The following ZFR2 variants were observed in gnomAD, a reference collection of about 807,000 sequenced individuals.
The protein encoded by ZFR2 is zinc finger RNA-binding protein 2.
Under a neutral mutation model 105.7 loss-of-function variants are expected in ZFR2, and 104 were observed. The observed-to-expected ratio is 0.98, with a 90% CI of 0.84 to 1.16. ZFR2 has a LOEUF of 1.16. Among genes scored for constraint, ZFR2 ranks in the 50% most tolerant of loss-of-function variants. The probability of loss-of-function intolerance (pLI) is 0.00; values close to 1 mark genes in which losing one functional copy is unlikely to be tolerated. For missense variants in ZFR2, 1,425 were observed against 1,355.5 expected (o/e 1.05, Z -0.80); for synonymous variants, 634 against 597.7 (o/e 1.06, Z -0.89).
intron 1 of ZFR2, among the ~76,000 whole-genome samples, chr19:3,842,387 A>C (rs2038141557): frequency 6.6e-6 from 1 of 152,130 alleles, no homozygotes; most frequent in South Asian, 2.1e-4. Context: ...AATGTTAGAC[A>C]GCATGCAATT....
Position 3,807,223 on chromosome 19 carries a change from G to A in ZFR2, c.2592C>T (p.Ala864=), listed in dbSNP as rs1191853091. 1 of 1,561,570 alleles carries A rather than the reference G, an allele frequency of 6.4e-7. No homozygotes were observed. Among genetic ancestry groups the A allele is most frequent in the Middle Eastern group, 1.7e-4 (1 of 6,006 alleles). Residue 864 remains alanine, a synonymous_variant, in exon 18 of 19, where the codon GCC becomes GCT. Transcript: ENST00000262961. ...QDPCERDQTD[A]LEPMTLQERE... is the part of the protein sequence containing the mutation. ...GCTCTTGGAGGGTCATGGGCTCGAG[G>A]GCATCTGTCTGGTCTCTCTCGCAGG... is the stretch of plus-strand genomic sequence containing the variant.
At chr19:3,853,660 G>A (rs1207110703) in intron 1 of ZFR2, among the ~76,000 whole-genome samples, 1 of 149,178 alleles carries the variant, frequency 6.7e-6, no homozygotes, top group Non-Finnish European at 1.5e-5. Context: ...GGATTTGTGG[G>A]TGCCAGGCCC....
intron 13 of ZFR2, among the ~76,000 whole-genome samples, chr19:3,814,873 T>G (rs1397588210): frequency 6.6e-6 from 1 of 152,054 alleles, no homozygotes; most frequent in Non-Finnish European, 1.5e-5. Flanking sequence ...CCTCATTCCC[T>G]CGTGCCCACC....
intron 1 of ZFR2, among the ~76,000 whole-genome samples, chr19:3,854,631 G>A (rs572312124): frequency 4.6e-5 from 7 of 152,340 alleles, no homozygotes; most frequent in African/African-American, 1.4e-4. Flanking sequence ...GATGGTTAGG[G>A]CAGGGGTCTT....
Position 3,834,309 on chromosome 19 carries a change from T to C in ZFR2, c.264+464A>G, listed in dbSNP as rs538799306. 6.6e-6 allele frequency among the ~76,000 whole-genome samples: 1 copy of C among 151,122 alleles called. No individual in the cohort carries two copies. The highest frequency in any genetic ancestry group is 2.4e-5 in the African/African-American group (1 of 41,426). ...AGCCTGAGTGCCTCGGTTGGGAAGG[T>C]GAGGTCGTCAGCACCCAGGTGCACC... is the stretch of plus-strand genomic sequence containing the variant. On this transcript the variant is annotated intron_variant, in intron 2 of 18. Transcript: ENST00000262961. This position sits in a 1 kb window ranked among gnomAD's most constrained non-coding sequence, Gnocchi z 5.3.
At chr19:3,833,889 G>T in intron 2 of ZFR2, 111 bp from the exon 3 acceptor site, 1 of 842,222 alleles carries the variant, frequency 1.2e-6, no homozygotes, top group Non-Finnish European at 1.8e-6. Context: ...TTCCTGCAGC[G>T]CTGGCTCCTA....
At position 3,821,345 on chromosome 19, in the gene ZFR2, C is replaced by A; in HGVS notation, c.1626G>T (p.Glu542Asp). ...RLEQLRRWHA[E>D]RRRLEEEPPQ... ...CAAGACCCGCAGCCGGGCACCTCCTCTCCGCGTGCCAGCGCCGCAGCTGCT... is the reference window on the plus strand; with the variant it reads ...CAAGACCCGCAGCCGGGCACCTCCTATCCGCGTGCCAGCGCCGCAGCTGCT... The change falls in exon 10 of 19, where the codon GAG becomes GAT. Residue 542 changes from glutamate to aspartate, a missense_variant. Coordinates refer to ENST00000262961, the MANE Select transcript of ZFR2 (RefSeq NM_015174.2). The A allele has an allele frequency of 1.3e-6, 2 of 1,594,116 alleles. No individual in the cohort carries two copies. The highest frequency in any genetic ancestry group is 8.5e-7 in the Non-Finnish European group (1 of 1,172,688).
chr19:3,847,477 T>C (rs2038195292), intron 1 of ZFR2, among the ~76,000 whole-genome samples: 1 of 152,060 alleles, frequency 6.6e-6, no homozygotes, highest in Non-Finnish European at 1.5e-5. Flanking sequence ...TGAGCTGAGA[T>C]TGCACTACTG....
chr19:3,860,347 T>C (rs1405430655), intron 1 of ZFR2, among the ~76,000 whole-genome samples: 2 of 151,696 alleles, frequency 1.3e-5, no homozygotes, highest in Non-Finnish European at 2.9e-5. Flanking sequence ...CCCGAAAGGA[T>C]TTTATCACCC....
At chr19:3,811,219 C>A in intron 15 of ZFR2, 53 bp downstream of exon 15, 1 of 1,478,118 alleles carries the variant, frequency 6.8e-7, no homozygotes, top group South Asian at 1.3e-5. Context: ...TGCCTCTGAG[C>A]TACGTTCCTC....
At position 3,805,874 on chromosome 19, in the gene ZFR2, A is replaced by C; in HGVS notation, c.*75T>G. ...GACCATTGTCCAACGTCGGGGATGA[A>C]GCAGCCATTGGTCGGCGCGCACACG... is the stretch of plus-strand genomic sequence containing the variant. On this transcript the variant is annotated 3_prime_UTR_variant, in exon 19 of 19. Transcript: ENST00000262961. The C allele has an allele frequency of 7.1e-7, 1 of 1,400,330 alleles. No individual in the cohort carries two copies. Among genetic ancestry groups the C allele is most frequent in the East Asian group, 2.8e-5 (1 of 35,544 alleles). 86.7% of individuals were successfully genotyped at this position (1,400,330 alleles called of 1,614,324 possible).
At chr19:3,824,852 G>A (rs945875474) in intron 7 of ZFR2, among the ~76,000 whole-genome samples, 2 of 152,124 alleles carry the variant, frequency 1.3e-5, no homozygotes, top group East Asian at 1.9e-4. Context: ...CAGGAGAATC[G>A]CTTGAACCCA....
Position 3,838,829 on chromosome 19 carries a change from C to A in ZFR2, c.54-3846G>T, listed in dbSNP as rs2038105525. 6.6e-6 allele frequency among the ~76,000 whole-genome samples: 1 copy of A among 152,186 alleles called. No homozygotes were observed. Among genetic ancestry groups the A allele is most frequent in the Non-Finnish European group, 1.5e-5 (1 of 68,030 alleles). On this transcript the variant is annotated intron_variant, in intron 1 of 18. Transcript: ENST00000262961. The surrounding 1 kb of genome is among the most constrained non-coding windows in gnomAD (Gnocchi z 4.9). ...CTGCACGTCTGTCCACAGGCCGTCTCCTCCCTGGTCCCGATGCCCTGAGAT... is the reference window on the plus strand; with the variant it reads ...CTGCACGTCTGTCCACAGGCCGTCTACTCCCTGGTCCCGATGCCCTGAGAT...
chr19:3,848,089 G>A (rs2038201626), intron 1 of ZFR2, among the ~76,000 whole-genome samples: 1 of 152,212 alleles, frequency 6.6e-6, no homozygotes, highest in Admixed American at 6.6e-5. Flanking sequence ...AGAGCCCTTT[G>A]GACTGAGACC....
At position 3,849,047 on chromosome 19, in the gene ZFR2, G is replaced by A. The variant is rs117047292; in HGVS notation, c.54-14064C>T. ...AACCAAACAAACAAAAACACAAAGCGTTCAGTACTAGATAGTAAATCGTGA... is the reference window on the plus strand; with the variant it reads ...AACCAAACAAACAAAAACACAAAGCATTCAGTACTAGATAGTAAATCGTGA... On this transcript the variant is annotated intron_variant, in intron 1 of 18. Coordinates refer to ENST00000262961, the MANE Select transcript of ZFR2 (RefSeq NM_015174.2). Among the ~76,000 whole-genome samples the A allele has an allele frequency of 8.8e-4, 134 of 152,288 alleles. 3 individuals carry two copies. The East Asian group carries it at 0.017, about 20-fold the overall frequency.
intron 16 of ZFR2, 50 bp downstream of exon 16, chr19:3,810,700 A>G (rs1023226797): frequency 6.7e-7 from 1 of 1,488,960 alleles, no homozygotes; most frequent in Non-Finnish European, 9.1e-7. Flanking sequence ...AGGGCCATGG[A>G]GGCCCTTGGG....
chr19:3,811,032 G>A (rs1020425998), intron 15 of ZFR2, among the ~76,000 whole-genome samples, 187 bp from the exon 16 acceptor site: 3 of 152,210 alleles, frequency 2.0e-5, no homozygotes, highest in Non-Finnish European at 2.9e-5. Flanking sequence ...GAGTGGCCAC[G>A]AGACGGCAGC....
intron 1 of ZFR2, among the ~76,000 whole-genome samples, chr19:3,859,199 T>C (rs2038341746): frequency 6.6e-6 from 1 of 152,178 alleles, no homozygotes; most frequent in African/African-American, 2.4e-5. Context: ...TTCATCTTTC[T>C]CCCATGCTGG....
intron 1 of ZFR2, chr19:3,856,904 A>C (rs1280830601): frequency 2.0e-5 from 3 of 148,334 alleles, no homozygotes; most frequent in African/African-American, 7.5e-5. Flanking sequence ...CTAATTTTGT[A>C]TTTTTAGTGG....
Sources: gnomAD v4.1 joint callset for allele counts (sites outside exome capture counted in the v4.1 genomes callset) on GRCh38, gnomAD v4.1.1 for gene constraint, Gnocchi (gnomAD v3.1) non-coding constraint, MANE v1.5 for transcripts, NCBI Gene and HGNC (gene_info 2026-07-23, HGNC 2026-07-21) for gene names.